The following ERI3 variants were observed in gnomAD, a reference collection of about 807,000 sequenced individuals.
The protein encoded by ERI3 is ERI1 exoribonuclease family member 3, also known as ERI1 exoribonuclease 3.
In ERI3, 18 loss-of-function variants were observed where a neutral mutation model predicts 44.4. The ratio of observed to expected loss-of-function variants is 0.41; its 90% CI spans 0.28 to 0.60. The LOEUF (loss-of-function observed/expected upper bound fraction) is 0.60. ERI3 is among the 20% of genes least tolerant of loss of function. The probability of loss-of-function intolerance (pLI) is 0.36; values close to 1 mark genes in which losing one functional copy is unlikely to be tolerated. For missense variants in ERI3, 294 were observed against 435.5 expected (o/e 0.68, Z 2.89); for synonymous variants, 183 against 164.8 (o/e 1.11, Z -0.84).
chr1:44,336,493 A>G (rs996167576), intron 3 of ERI3, among the ~76,000 whole-genome samples: 2 of 152,230 alleles, frequency 1.3e-5, no homozygotes, highest in African/African-American at 2.4e-5. Context: ...GTCAAGATGC[A>G]TTACATTTAT....
chr1:44,317,177 G>A (rs1173713125), intron 4 of ERI3, among the ~76,000 whole-genome samples: 1 of 148,178 alleles, frequency 6.7e-6, no homozygotes, highest in Non-Finnish European at 1.5e-5. Flanking sequence ...CTGGGGTTAA[G>A]AACTTCTTGT....
At chr1:44,340,014 G>A (rs1646618791) in intron 2 of ERI3, among the ~76,000 whole-genome samples, 2 of 152,136 alleles carry the variant, frequency 1.3e-5, no homozygotes, top group Admixed American at 1.3e-4. Context: ...CTCATTTGCT[G>A]CCTTAGACTC....
chr1:44,340,015 C>T (rs1572329459), intron 2 of ERI3, among the ~76,000 whole-genome samples: 1 of 152,106 alleles, frequency 6.6e-6, no homozygotes, highest in South Asian at 2.1e-4. Context: ...TCATTTGCTG[C>T]CTTAGACTCG....
chr1:44,239,489 G>A (rs547213096), intron 8 of ERI3, among the ~76,000 whole-genome samples: 1 of 152,314 alleles, frequency 6.6e-6, no homozygotes, highest in South Asian at 2.1e-4. Flanking sequence ...ATGCAGGCCT[G>A]GGATATGGCC....
At chr1:44,255,667 A>T (rs538763788) in intron 7 of ERI3, among the ~76,000 whole-genome samples, 3 of 152,204 alleles carry the variant, frequency 2.0e-5, no homozygotes, top group African/African-American at 7.2e-5. Flanking sequence ...TTCATTCTCC[A>T]TATGTTTAAA....
intron 7 of ERI3, among the ~76,000 whole-genome samples, chr1:44,281,918 G>GTA (rs1645298702): frequency 6.7e-6 from 1 of 148,152 alleles, no homozygotes; most frequent in Admixed American, 6.7e-5. Flanking sequence ...GTGTGTGTGT[G>GTA]TGTGTGTGTA....
At chr1:44,302,023 T>C (rs77433220) in intron 6 of ERI3, among the ~76,000 whole-genome samples, 7,220 of 152,252 alleles carry the variant, frequency 0.047, 196 homozygotes, top group African/African-American at 0.065. Context: ...CCCCTTAGAA[T>C]GCCCAATTCA....
chr1:44,237,774 G>A lies in ERI3; in HGVS notation c.931+10165C>T, dbSNP rs546177659. ...AAGTGGCCACTTTGAAAATCCATAC[G>A]TCTCCAGGCTCCCTGTACATCATGG... On this transcript the variant is annotated intron_variant, in intron 8 of 8. Transcript: ENST00000372257. Among the ~76,000 whole-genome samples, 19 of 152,246 alleles carry A rather than the reference G, an allele frequency of 1.2e-4. No individual in the cohort carries two copies. In the South Asian group the frequency reaches 1.5e-3, roughly 12 times the overall value.
intron 7 of ERI3, among the ~76,000 whole-genome samples, chr1:44,265,804 C>T (rs770214168): frequency 5.9e-5 from 9 of 152,166 alleles, no homozygotes; most frequent in Middle Eastern, 3.4e-3. Context: ...ACAAGAAGTT[C>T]CCAGAATTGC....
intron 2 of ERI3, among the ~76,000 whole-genome samples, chr1:44,344,577 G>C: frequency 6.6e-6 from 1 of 152,020 alleles, no homozygotes; most frequent in Non-Finnish European, 1.5e-5. Flanking sequence ...TGCACCCTCC[G>C]GTGTCTTAGG....
chr1:44,277,347 T>C (rs1248129333), intron 7 of ERI3, among the ~76,000 whole-genome samples: 4 of 152,124 alleles, frequency 2.6e-5, no homozygotes, highest in Admixed American at 6.5e-5. Context: ...TTCAACAGGA[T>C]TTCCTTCTCT....
chr1:44,314,605 G>T (rs922127100), intron 4 of ERI3, among the ~76,000 whole-genome samples: 5 of 152,124 alleles, frequency 3.3e-5, no homozygotes, highest in African/African-American at 1.2e-4. Flanking sequence ...CCAAAGAACT[G>T]CCCAGTAGAG....
chr1:44,316,070 A>G (rs1646082057), intron 4 of ERI3, among the ~76,000 whole-genome samples: 1 of 151,558 alleles, frequency 6.6e-6, no homozygotes, highest in Admixed American at 6.6e-5. Context: ...ACAGGATGCT[A>G]TGAGGGAACG....
At chr1:44,330,190 T>A (rs1205529130) in intron 3 of ERI3, among the ~76,000 whole-genome samples, 1 of 152,202 alleles carries the variant, frequency 6.6e-6, no homozygotes, top group East Asian at 1.9e-4. Context: ...GCTCCCCAAC[T>A]GTACCCCCAT....
chr1:44,302,661 T>C (rs1187198227), intron 6 of ERI3, among the ~76,000 whole-genome samples: 1 of 152,102 alleles, frequency 6.6e-6, no homozygotes, highest in African/African-American at 2.4e-5. Flanking sequence ...AACTTAACAG[T>C]CCACACCTCT....
At chr1:44,318,857 T>C (rs1646143145) in intron 4 of ERI3, among the ~76,000 whole-genome samples, 1 of 152,250 alleles carries the variant, frequency 6.6e-6, no homozygotes, top group South Asian at 2.1e-4. Context: ...AACCCCTGAT[T>C]GCACCACAGC....
intron 6 of ERI3, among the ~76,000 whole-genome samples, chr1:44,297,937 T>C (rs1401353315): frequency 5.3e-5 from 8 of 152,184 alleles, no homozygotes; most frequent in Non-Finnish European, 1.0e-4. Context: ...CCCGTACCAA[T>C]ATCAGCAGAA....
At chr1:44,353,266 C>A (rs1356078041) in intron 1 of ERI3, 32 of 985,154 alleles carry the variant, frequency 3.2e-5, no homozygotes, top group Non-Finnish European at 3.7e-5. Flanking sequence ...ATATTCAGAA[C>A]TAAGGAACTA....
chr1:44,272,896 C>T (rs558739486), intron 7 of ERI3, among the ~76,000 whole-genome samples: 10 of 149,440 alleles, frequency 6.7e-5, no homozygotes, highest in East Asian at 3.9e-4. Context: ...TACAAATCCA[C>T]GTTAAAAAAA....
Sources: gnomAD v4.1 joint callset for allele counts (sites outside exome capture counted in the v4.1 genomes callset) on GRCh38, gnomAD v4.1.1 for gene constraint, MANE v1.5 for transcripts, NCBI Gene and HGNC (gene_info 2026-07-23, HGNC 2026-07-21) for gene names.